The following STIMATE variants were observed in gnomAD, a reference collection of about 807,000 sequenced individuals.
STIMATE encodes the protein store-operated calcium entry regulator STIMATE.
A neutral mutation model predicts 36.7 loss-of-function variants in STIMATE; 15 were observed. The ratio of observed to expected loss-of-function variants is 0.41; its 90% CI spans 0.27 to 0.63. The LOEUF is 0.63. STIMATE is among the 20% of genes least tolerant of loss of function. The pLI is 0.32. For missense variants in STIMATE, 305 were observed against 397.3 expected (o/e 0.77, Z 1.98); for synonymous variants, 163 against 162.3 (o/e 1.00, Z -0.03).
rs1022938205 is a variant in STIMATE at position 52,838,574 on chromosome 3, T to C, written c.*1920A>G. 9.9e-5 allele frequency: 15 copies of C among 152,186 alleles called. No homozygotes were observed. Among genetic ancestry groups the C allele is most frequent in the Admixed American group, 4.6e-4 (7 of 15,274 alleles). The allele number at this position is 152,186 out of a possible 1,614,324, so 9.4% of individuals were successfully genotyped here. ...GCTGCTGGGGAAATACTGGCTACCA[T>C]AGCTGTGGATGGGAGGGAGCACAAA... On this transcript the variant is annotated 3_prime_UTR_variant, in exon 8 of 8. Coordinates refer to ENST00000355083, the MANE Select transcript of STIMATE (RefSeq NM_198563.5).
At chr3:52,886,555 TC>T (rs1701689345) in intron 1 of STIMATE, among the ~76,000 whole-genome samples, 1 of 152,226 alleles carries the variant, frequency 6.6e-6, no homozygotes, top group African/African-American at 2.4e-5. Context: ...CACATGTGAC[TC>T]AGTTTCGTCA....
At chr3:52,845,405 T>TCCCACCTC (rs1178213925) in intron 4 of STIMATE, among the ~76,000 whole-genome samples, 1 of 152,110 alleles carries the variant, frequency 6.6e-6, no homozygotes, top group African/African-American at 2.4e-5. Flanking sequence ...TTTGTTTGTC[T>TCCCACCTC]CCCACCTCCC....
chr3:52,842,032 C>T (rs773508010), intron 7 of STIMATE, among the ~76,000 whole-genome samples: 14 of 152,344 alleles, frequency 9.2e-5, no homozygotes, highest in Middle Eastern at 3.4e-3. Context: ...CCAGGGCCCT[C>T]GTTGGGTTCT....
chr3:52,890,500 A>C (rs1441693264), intron 1 of STIMATE, among the ~76,000 whole-genome samples: 1 of 152,270 alleles, frequency 6.6e-6, no homozygotes, highest in African/African-American at 2.4e-5. Context: ...ACTGGCATTT[A>C]GTGGGTAGAG....
At position 52,860,054 on chromosome 3, in the gene STIMATE, C is replaced by CT. The variant is rs11295590; in HGVS notation, c.161-4611dup. Among the ~76,000 whole-genome samples the CT allele has an allele frequency of 1.1e-3, 145 of 132,480 alleles. 1 individual carries two copies. The highest frequency in any genetic ancestry group is 3.9e-3 in the African/African-American group (138 of 35,120). 86.9% of individuals were successfully genotyped at this position (132,480 alleles called of 152,430 possible). A position where few individuals can be genotyped will look rare whatever the true frequency, so the allele number is the denominator to read the frequency against. The stretch of plus-strand genomic sequence containing the variant: ...CCCTTTCCCTAGAACAGTCCAGATT[C>CT]TTTTTTTTTTTTTTTTTAAAGGAAG... On this transcript the variant is annotated intron_variant, in intron 1 of 7. Transcript: ENST00000355083.
intron 1 of STIMATE, among the ~76,000 whole-genome samples, chr3:52,888,021 T>TTTTTTTTG (rs1701722334): frequency 6.9e-6 from 1 of 144,892 alleles, no homozygotes. Context: ...TTTTTTTTTT[T>TTTTTTTTG]GCCAGTAATT....
At chr3:52,885,381 A>G (rs1242008893) in intron 1 of STIMATE, among the ~76,000 whole-genome samples, 2 of 152,094 alleles carry the variant, frequency 1.3e-5, no homozygotes, top group African/African-American at 4.8e-5. Context: ...ATTTTTGTAT[A>G]TGGCTTCAAG....
intron 1 of STIMATE, among the ~76,000 whole-genome samples, chr3:52,870,912 G>A (rs372326524): frequency 2.2e-4 from 34 of 152,116 alleles, no homozygotes; most frequent in South Asian, 1.7e-3. Flanking sequence ...GGGGGAAGGC[G>A]GGTGGTGCCT....
chr3:52,871,950 C>T (rs1015160808), intron 1 of STIMATE, among the ~76,000 whole-genome samples: 10 of 152,074 alleles, frequency 6.6e-5, no homozygotes, highest in Non-Finnish European at 8.8e-5. Flanking sequence ...TCTCTTGATG[C>T]GGCACCCACA....
At chr3:52,887,464 G>A (rs1017210558) in intron 1 of STIMATE, among the ~76,000 whole-genome samples, 10 of 152,196 alleles carry the variant, frequency 6.6e-5, no homozygotes, top group African/African-American at 2.4e-4. Context: ...AAGGAAGATG[G>A]GGGCAGTAGG....
At chr3:52,876,879 C>T (rs1488742724) in intron 1 of STIMATE, among the ~76,000 whole-genome samples, 1 of 152,134 alleles carries the variant, frequency 6.6e-6, no homozygotes, top group African/African-American at 2.4e-5. Context: ...GGAGTGTTGA[C>T]TGCTCTAACC....
intron 4 of STIMATE, chr3:52,848,659 C>G (rs983091663): frequency 2.0e-5 from 3 of 152,262 alleles, no homozygotes; most frequent in African/African-American, 7.2e-5. Context: ...CATGCACTGG[C>G]TGGGTGAGCT....
At chr3:52,842,435 T>C (rs942911744) in intron 7 of STIMATE, among the ~76,000 whole-genome samples, 2 of 152,266 alleles carry the variant, frequency 1.3e-5, no homozygotes, top group African/African-American at 2.4e-5. Context: ...CTCTTTAGTG[T>C]TGGGCAGAGA....
chr3:52,849,255 T>C (rs1405958397), intron 4 of STIMATE, among the ~76,000 whole-genome samples: 1 of 152,168 alleles, frequency 6.6e-6, no homozygotes, highest in African/African-American at 2.4e-5. Context: ...CCTAACTCTG[T>C]CCTGAAACCT....
rs200858464 is a variant in STIMATE, at chr3:52,842,935, T to C, written c.644A>G (p.Asn215Ser). 6.2e-6 allele frequency: 10 copies of C among 1,614,138 alleles called. No homozygotes were observed. In the South Asian group the frequency reaches 8.8e-5, roughly 14 times the overall value. Reference protein sequence around the residue: ...VNALMFWVVDNFLMRKGKTKA... With the variant: ...VNALMFWVVDSFLMRKGKTKA... ...CGTCTTCCCCTTTCTCATGAGGAAA[T>C]TGTCCACTACCCAAAACATCAAAGC... is the stretch of plus-strand genomic sequence containing the variant. The change falls in exon 7 of 8, where the codon AAT (asparagine) becomes AGT (serine). Residue 215 changes from asparagine to serine, a missense_variant. Physicochemically the swap from Asn to Ser is conservative, Grantham distance 46. Around this residue, in one of 3 missense-constraint regions of STIMATE, gnomAD observed 164 missense variants for 257.9 expected, o/e 0.64. Coordinates refer to ENST00000355083, the MANE Select transcript of STIMATE (RefSeq NM_198563.5).
chr3:52,892,158 T>G (rs946621988), intron 1 of STIMATE, among the ~76,000 whole-genome samples: 2 of 152,188 alleles, frequency 1.3e-5, no homozygotes, highest in Non-Finnish European at 2.9e-5. Context: ...AAACAGATAT[T>G]AAAGCAGCAG....
At chr3:52,890,742 T>C (rs1448428417) in intron 1 of STIMATE, among the ~76,000 whole-genome samples, 1 of 152,230 alleles carries the variant, frequency 6.6e-6, no homozygotes, top group African/African-American at 2.4e-5. Flanking sequence ...ACCTTCCTTA[T>C]AGTCATATGG....
chr3:52,870,529 G>A (rs1304500902), intron 1 of STIMATE, among the ~76,000 whole-genome samples: 1 of 151,862 alleles, frequency 6.6e-6, no homozygotes, highest in Admixed American at 6.6e-5. Flanking sequence ...GACAACCTGG[G>A]CCCACAGGAG....
chr3:52,839,928 A>G lies in STIMATE; in HGVS notation c.*566T>C, dbSNP rs749835634. 11 of 152,664 alleles carry G rather than the reference A, an allele frequency of 7.2e-5. No homozygotes were observed. Among genetic ancestry groups the G allele is most frequent in the Non-Finnish European group, 1.6e-4 (11 of 68,044 alleles). The allele number at this position is 152,664 out of a possible 1,614,324, so 9.5% of individuals were successfully genotyped here. On this transcript the variant is annotated 3_prime_UTR_variant, in exon 8 of 8. Coordinates refer to ENST00000355083, the MANE Select transcript of STIMATE (RefSeq NM_198563.5). ...TGTTTTGCCCATTAGTCCCGTAAGT[A>G]CTTTGTAGGAAATAAACACATACCC...
Sources: allele counts gnomAD v4.1 joint callset (sites outside exome capture counted in the v4.1 genomes callset), GRCh38; gene constraint gnomAD v4.1.1; regional missense constraint gnomAD v4.1.1; transcripts MANE v1.5; gene names NCBI Gene and HGNC (gene_info 2026-07-23, HGNC 2026-07-21).